MYOCD: variants seen among roughly 807,000 people sequenced by gnomAD.
MYOCD encodes myocardin.
MYOCD carries 32 observed loss-of-function variants against 96.1 expected under a neutral mutation model. That is an observed-to-expected ratio of 0.33 (90% CI 0.25 to 0.45). The LOEUF (loss-of-function observed/expected upper bound fraction) is 0.45, where lower values mean the gene tolerates loss of function less well. Among genes scored for constraint, MYOCD ranks in the 20% least tolerant of loss-of-function variants. MYOCD has a pLI of 1.00. For missense variants in MYOCD, 1,133 were observed against 1,200.6 expected (o/e 0.94, Z 0.83); for synonymous variants, 469 against 469.0 (o/e 1.00, Z 0.00).
At chr17:12,749,516 G>A (rs1438327231) in intron 9 of MYOCD, among the ~76,000 whole-genome samples, 2 of 145,990 alleles carry the variant, frequency 1.4e-5, no homozygotes. Context: ...GTGACAGAGC[G>A]AGACTCTGTC....
chr17:12,706,908 A>C (rs552258274), intron 2 of MYOCD, among the ~76,000 whole-genome samples: 75 of 152,316 alleles, frequency 4.9e-4, no homozygotes, highest in Middle Eastern at 3.4e-3. Flanking sequence ...CAAATCATGA[A>C]ATAATAAAGC....
At chr17:12,753,958 A>G (rs1318814454) in intron 10 of MYOCD, among the ~76,000 whole-genome samples, 1 of 152,198 alleles carries the variant, frequency 6.6e-6, no homozygotes, top group Non-Finnish European at 1.5e-5. Flanking sequence ...AAAAATTTCT[A>G]TTCTCATGGG....
At chr17:12,694,653 G>C (rs2030648314) in intron 1 of MYOCD, among the ~76,000 whole-genome samples, 1 of 152,142 alleles carries the variant, frequency 6.6e-6, no homozygotes, top group Non-Finnish European at 1.5e-5. Context: ...TTTGTGGGAA[G>C]ATCAGAACAA....
intron 1 of MYOCD, among the ~76,000 whole-genome samples, chr17:12,679,472 T>G (rs1050010180): frequency 6.6e-6 from 1 of 152,218 alleles, no homozygotes; most frequent in Non-Finnish European, 1.5e-5. Flanking sequence ...GCATCATGTT[T>G]GGTTGTTTCA....
At chr17:12,726,340 A>G (rs1597784897) in intron 5 of MYOCD, among the ~76,000 whole-genome samples, 1 of 152,206 alleles carries the variant, frequency 6.6e-6, no homozygotes, top group African/African-American at 2.4e-5. Context: ...AGGCATGACT[A>G]TGTTCCAATA....
At chr17:12,726,354 CTT>C (rs2031999703) in intron 5 of MYOCD, among the ~76,000 whole-genome samples, 1 of 152,172 alleles carries the variant, frequency 6.6e-6, no homozygotes, top group Non-Finnish European at 1.5e-5. Context: ...TCCAATAAAA[CTT>C]TATTTACAAA....
intron 1 of MYOCD, among the ~76,000 whole-genome samples, chr17:12,697,359 AT>A (rs71144918): frequency 0.012 from 876 of 75,530 alleles, 4 homozygotes; most frequent in East Asian, 0.032. Flanking sequence ...ATATATATAT[AT>A]TTTTTTTTTT....
chr17:12,757,819 G>A (rs898565862), intron 11 of MYOCD, among the ~76,000 whole-genome samples: 2 of 151,952 alleles, frequency 1.3e-5, no homozygotes, highest in African/African-American at 4.8e-5. Context: ...GAATTGGACT[G>A]TTACTTATTT....
intron 9 of MYOCD, among the ~76,000 whole-genome samples, chr17:12,750,614 G>T (rs1266924462): frequency 6.6e-6 from 1 of 152,012 alleles, no homozygotes; most frequent in Non-Finnish European, 1.5e-5. Context: ...GCTTGAACCC[G>T]GGAGGTGGAG....
At chr17:12,674,877 T>C (rs548729312) in intron 1 of MYOCD, among the ~76,000 whole-genome samples, 2 of 152,314 alleles carry the variant, frequency 1.3e-5, no homozygotes, top group South Asian at 2.1e-4. Flanking sequence ...TTCATCTCAG[T>C]GTAGGACAAG....
At chr17:12,714,959 C>T (rs1192608783) in intron 2 of MYOCD, among the ~76,000 whole-genome samples, 1 of 152,156 alleles carries the variant, frequency 6.6e-6, no homozygotes, top group Non-Finnish European at 1.5e-5. Context: ...ACTTCCCTGT[C>T]TCCAAGGTTC....
intron 6 of MYOCD, among the ~76,000 whole-genome samples, chr17:12,738,953 ATATATATATG>A (rs2032424800): frequency 6.6e-6 from 1 of 151,952 alleles, no homozygotes; most frequent in African/African-American, 2.4e-5. Context: ...ATAAGTTTAT[ATATATATATG>A]TATATATGTA....
intron 1 of MYOCD, among the ~76,000 whole-genome samples, chr17:12,695,912 G>T (rs879483952): frequency 5.3e-4 from 78 of 146,786 alleles, no homozygotes; most frequent in Non-Finnish European, 1.0e-3. Context: ...GACTACTCTA[G>T]GTACCTTATA....
At chr17:12,721,080 AT>A (rs536104845) in intron 4 of MYOCD, among the ~76,000 whole-genome samples, 3 of 145,820 alleles carry the variant, frequency 2.1e-5, no homozygotes, top group East Asian at 2.0e-4. Flanking sequence ...TGAAGCCTTC[AT>A]TTTTTTTTGC....
intron 1 of MYOCD, among the ~76,000 whole-genome samples, chr17:12,701,701 G>A (rs1305603792): frequency 6.6e-6 from 1 of 152,006 alleles, no homozygotes; most frequent in Non-Finnish European, 1.5e-5. Context: ...TGCTTTAGCT[G>A]TATCTCATAA....
At chr17:12,699,809 G>A (rs1715157087) in intron 1 of MYOCD, among the ~76,000 whole-genome samples, 1 of 151,158 alleles carries the variant, frequency 6.6e-6, no homozygotes, top group Non-Finnish European at 1.5e-5. Flanking sequence ...AGATATAGTT[G>A]CATACATCAA....
intron 1 of MYOCD, among the ~76,000 whole-genome samples, chr17:12,666,831 C>A (rs1469779660): frequency 2.6e-5 from 4 of 152,112 alleles, no homozygotes; most frequent in Non-Finnish European, 5.9e-5. Context: ...GAATTTCCCC[C>A]AAAATTTCTG....
intron 1 of MYOCD, among the ~76,000 whole-genome samples, chr17:12,697,078 T>A (rs973827830): frequency 3.3e-5 from 5 of 151,950 alleles, no homozygotes; most frequent in African/African-American, 1.2e-4. Context: ...CAATGCCTAG[T>A]CCAATGTAGG....
chr17:12,701,586 G>A (rs1454529235), intron 1 of MYOCD, among the ~76,000 whole-genome samples: 1 of 151,848 alleles, frequency 6.6e-6, no homozygotes, highest in Non-Finnish European at 1.5e-5. Flanking sequence ...CTTACTATGA[G>A]CATACTTCTT....
Sources: gnomAD v4.1 joint callset for allele counts (sites outside exome capture counted in the v4.1 genomes callset) on GRCh38, gnomAD v4.1.1 for gene constraint, MANE v1.5 for transcripts, NCBI Gene and HGNC (gene_info 2026-07-23, HGNC 2026-07-21) for gene names.